Variants in KYAT3 observed in about 807,000 individuals in gnomAD.
KYAT3 encodes the protein kynurenine--oxoglutarate transaminase 3.
KYAT3 carries 50 observed loss-of-function variants against 59.0 expected under a neutral mutation model. The observed-to-expected ratio is 0.85, with a 90% CI of 0.68 to 1.07. KYAT3 has a LOEUF of 1.07. Among genes scored for constraint, KYAT3 ranks in the 50% least tolerant of loss-of-function variants. The probability of loss-of-function intolerance (pLI) is 0.00; values close to 1 mark genes in which losing one functional copy is unlikely to be tolerated. For synonymous variants in KYAT3, 148 were observed against 177.0 expected, an observed-to-expected ratio of 0.84 and a Z score of 1.30; for missense variants, 497 against 533.3, an observed-to-expected ratio of 0.93 and a Z score of 0.67.
intron 6 of KYAT3, among the ~76,000 whole-genome samples, 171 bp downstream of exon 6, chr1:88,961,888 G>T (rs3753683): frequency 4.1e-4 from 62 of 152,106 alleles, no homozygotes; most frequent in African/African-American, 1.4e-3. Flanking sequence ...ACTCACCTTA[G>T]TGTATTACTT....
the KYAT3 span, among the ~76,000 whole-genome samples, chr1:88,929,490 A>T: frequency 6.6e-6 from 1 of 152,082 alleles, no homozygotes; most frequent in African/African-American, 2.4e-5. Flanking sequence ...ACTCACCTGG[A>T]CTGTTTTACC....
intron 4 of KYAT3, among the ~76,000 whole-genome samples, chr1:88,967,013 A>C (rs1462754800): frequency 6.6e-6 from 1 of 152,120 alleles, no homozygotes; most frequent in Non-Finnish European, 1.5e-5. Flanking sequence ...CTAATCCTGC[A>C]TTCCTATGGT....
intron 11 of KYAT3, among the ~76,000 whole-genome samples, chr1:88,943,870 T>C (rs964638261): frequency 6.6e-6 from 1 of 152,210 alleles, no homozygotes; most frequent in Non-Finnish European, 1.5e-5. Context: ...TTTGGTAACC[T>C]ATCGTATTCC....
chr1:88,958,097 A>G (rs1675989540), intron 8 of KYAT3, among the ~76,000 whole-genome samples: 1 of 152,208 alleles, frequency 6.6e-6, no homozygotes, highest in South Asian at 2.1e-4. Context: ...TCTGACGATC[A>G]GGCCTATAAT....
intron 1 of KYAT3, among the ~76,000 whole-genome samples, chr1:88,990,121 C>T (rs1210165695): frequency 1.3e-5 from 2 of 152,080 alleles, no homozygotes; most frequent in Admixed American, 6.5e-5. Context: ...TTGTTTTTTC[C>T]TTCCCAGTAT....
intron 9 of KYAT3, among the ~76,000 whole-genome samples, chr1:88,954,785 A>G (rs748088045): frequency 6.6e-6 from 1 of 152,168 alleles, no homozygotes; most frequent in Admixed American, 6.5e-5. Flanking sequence ...TTATTTCATT[A>G]TTTTTTTAAA....
intron 10 of KYAT3, among the ~76,000 whole-genome samples, chr1:88,951,069 G>A (rs1675649742): frequency 1.3e-5 from 2 of 152,066 alleles, no homozygotes; most frequent in South Asian, 2.1e-4. Context: ...GTAACCATGT[G>A]GCTGCTTAAT....
intron 8 of KYAT3, among the ~76,000 whole-genome samples, chr1:88,958,499 C>T (rs904021125): frequency 1.1e-4 from 16 of 151,704 alleles, no homozygotes; most frequent in African/African-American, 3.4e-4. Context: ...TCAAAGTAAG[C>T]TCACTGGCAC....
intron 8 of KYAT3, 151 bp from the exon 9 acceptor site, chr1:88,955,376 A>G (rs1187188172): frequency 1.8e-6 from 1 of 546,996 alleles, no homozygotes; most frequent in Non-Finnish European, 3.2e-6. Flanking sequence ...TTTTTAGATA[A>G]TGTAACTTTA....
chr1:88,987,486 A>G (rs1476370027), intron 2 of KYAT3, among the ~76,000 whole-genome samples: 3 of 152,260 alleles, frequency 2.0e-5, no homozygotes, highest in Admixed American at 1.3e-4. Context: ...TAGGTTGAAT[A>G]CAAAATTGTC....
chr1:88,964,689 G>A (rs1030952085), intron 5 of KYAT3, 140 bp downstream of exon 5: 2 of 706,678 alleles, frequency 2.8e-6, no homozygotes, highest in Admixed American at 4.9e-5. Flanking sequence ...TAAGATTTGT[G>A]AACTTTACTG....
chr1:88,984,218 T>C (rs1321118091), intron 2 of KYAT3, among the ~76,000 whole-genome samples: 3 of 138,794 alleles, frequency 2.2e-5, no homozygotes, highest in African/African-American at 8.1e-5. Flanking sequence ...TTTTTTTTTT[T>C]TTTTTTTTTT....
intron 5 of KYAT3, among the ~76,000 whole-genome samples, chr1:88,964,183 C>A (rs1181843770): frequency 6.6e-6 from 1 of 152,100 alleles, no homozygotes; most frequent in Non-Finnish European, 1.5e-5. Context: ...GCCTGGGCAA[C>A]AAAGTGGGAC....
At chr1:88,976,133 C>T (rs894671790) in intron 2 of KYAT3, among the ~76,000 whole-genome samples, 6 of 151,684 alleles carry the variant, frequency 4.0e-5, no homozygotes, top group Admixed American at 6.6e-5. Flanking sequence ...CTGAGGCAGG[C>T]GGATCACAAG....
Position 88,949,105 on chromosome 1 carries a change from T to A in KYAT3, c.1127A>T (p.Asp376Val). The change falls in exon 11 of 14, where the codon GAT becomes GTT. Residue 376 changes from aspartate to valine, a missense_variant. Around this residue, in one of 2 missense-constraint regions of KYAT3, gnomAD observed 469 missense variants for 479.1 expected, o/e 0.98. Coordinates refer to ENST00000260508, the MANE Select transcript of KYAT3 (RefSeq NM_001008661.3). The part of the protein sequence containing the change: ...VPDGGYFIIA[D>V]VSLLDPDLSD... ...CCTTTACAAACCTAGCAAAGACACA[T>A]CAGCGATGATGAAGTATCCTCCATC... 1 of 1,590,180 alleles carries A rather than the reference T, an allele frequency of 6.3e-7. No homozygotes were observed. Among genetic ancestry groups the A allele is most frequent in the Non-Finnish European group, 8.5e-7 (1 of 1,172,580 alleles).
At chr1:88,942,797 C>T (rs757829692) in intron 13 of KYAT3, among the ~76,000 whole-genome samples, 74 of 151,934 alleles carry the variant, frequency 4.9e-4, no homozygotes, top group Non-Finnish European at 8.2e-4. Flanking sequence ...CTCCTGACCT[C>T]GTGATCAGCC....
chr1:88,961,976 C>T, intron 6 of KYAT3, 83 bp downstream of exon 6: 1 of 958,610 alleles, frequency 1.0e-6, no homozygotes, highest in South Asian at 1.4e-5. Flanking sequence ...AAAGTAGAAA[C>T]TTTATCATGA....
At chr1:88,983,411 T>C in intron 2 of KYAT3, 2 of 1,614,214 alleles carry the variant, frequency 1.2e-6, no homozygotes, top group Non-Finnish European at 1.7e-6. Flanking sequence ...AGAACTCATG[T>C]TAAAATTCAT....
At chr1:88,972,842 A>G (rs1676603626) in intron 2 of KYAT3, among the ~76,000 whole-genome samples, 1 of 152,256 alleles carries the variant, frequency 6.6e-6, no homozygotes, top group Non-Finnish European at 1.5e-5. Flanking sequence ...AGGGAACAGC[A>G]GCAAATAATT....
Sources: gnomAD v4.1 joint callset for allele counts (sites outside exome capture counted in the v4.1 genomes callset) on GRCh38, gnomAD v4.1.1 for gene constraint, gnomAD v4.1.1 regional missense constraint, MANE v1.5 for transcripts, NCBI Gene and HGNC (gene_info 2026-07-23, HGNC 2026-07-21) for gene names.